The following SKAP1 variants were observed in gnomAD, a reference collection of about 807,000 sequenced individuals.
The protein encoded by SKAP1 is src kinase-associated phosphoprotein 1.
A neutral mutation model predicts 58.5 loss-of-function variants in SKAP1; 44 were observed. The observed-to-expected ratio is 0.75, with a 90% confidence interval of 0.59 to 0.97. The LOEUF is 0.97. Ranked by LOEUF, SKAP1 falls within the 50% of genes least tolerant of loss-of-function variation. The probability of loss-of-function intolerance (pLI) is 0.00; values close to 1 mark genes in which losing one functional copy is unlikely to be tolerated. For missense variants in SKAP1, 390 were observed against 435.2 expected, an observed-to-expected ratio of 0.90 and a Z score of 0.92; for synonymous variants, 127 against 149.7, an observed-to-expected ratio of 0.85 and a Z score of 1.11.
chr17:48,194,399 C>A (rs1314941623), intron 4 of SKAP1, among the ~76,000 whole-genome samples: 1 of 152,186 alleles, frequency 6.6e-6, no homozygotes, highest in Non-Finnish European at 1.5e-5. Context: ...ACAGCAACAA[C>A]AATGGGGACC....
At chr17:48,162,360 G>T in intron 11 of SKAP1, 109 bp downstream of exon 11, 2 of 588,668 alleles carry the variant, frequency 3.4e-6, no homozygotes, top group South Asian at 2.9e-5. Flanking sequence ...AATTTATATT[G>T]TGAGGGAGCC....
Position 48,345,528 on chromosome 17 carries a change from A to T in SKAP1, c.280+377T>A, listed in dbSNP as rs112807021. On this transcript the variant is annotated intron_variant, in intron 4 of 12. Coordinates refer to ENST00000336915, the MANE Select transcript of SKAP1 (RefSeq NM_003726.4). ...ACAGAAAATTAATAATCCAACAATC[A>T]TTAAATAAAAGCTTCAATTCTCATG... Among the ~76,000 whole-genome samples the T allele has an allele frequency of 4.0e-3, 608 of 152,314 alleles. 8 individuals are homozygous for T. Among genetic ancestry groups the T allele is most frequent in the African/African-American group, 0.014 (583 of 41,570 alleles).
intron 4 of SKAP1, among the ~76,000 whole-genome samples, chr17:48,326,889 C>CTT (rs35868072): frequency 5.3e-4 from 64 of 121,590 alleles, no homozygotes; most frequent in East Asian, 1.4e-3. Flanking sequence ...TTCTTTCTTT[C>CTT]TTTTTTTTTT....
At chr17:48,390,312 C>G (rs1164247575) in intron 2 of SKAP1, among the ~76,000 whole-genome samples, 1 of 152,150 alleles carries the variant, frequency 6.6e-6, no homozygotes, top group Non-Finnish European at 1.5e-5. Flanking sequence ...AATAGCATAG[C>G]TCTGGGACAA....
At chr17:48,278,219 T>C (rs1182538074) in intron 4 of SKAP1, among the ~76,000 whole-genome samples, 1 of 152,186 alleles carries the variant, frequency 6.6e-6, no homozygotes, top group Non-Finnish European at 1.5e-5. Flanking sequence ...TATCCCCCAT[T>C]AGGCATTGAG....
intron 4 of SKAP1, among the ~76,000 whole-genome samples, chr17:48,324,516 C>T (rs1479518091): frequency 1.3e-5 from 2 of 152,000 alleles, no homozygotes; most frequent in African/African-American, 4.8e-5. Flanking sequence ...ACATAAGCTT[C>T]AAAAAGTGGG....
chr17:48,394,490 TACC>T (rs2067391020), intron 2 of SKAP1, among the ~76,000 whole-genome samples: 1 of 151,764 alleles, frequency 6.6e-6, no homozygotes, highest in Non-Finnish European at 1.5e-5. Context: ...CACAGGCATA[TACC>T]ACCACACCTG....
chr17:48,184,949 A>C, intron 6 of SKAP1, 102 bp from the exon 7 acceptor site: 1 of 1,145,220 alleles, frequency 8.7e-7, no homozygotes, highest in Non-Finnish European at 1.2e-6. Context: ...CAGCTGTTAC[A>C]TCCCTGAGGA....
At chr17:48,198,263 G>A (rs1445911441) in intron 4 of SKAP1, among the ~76,000 whole-genome samples, 2 of 151,862 alleles carry the variant, frequency 1.3e-5, no homozygotes, top group Admixed American at 6.6e-5. Context: ...AGACCATCTT[G>A]GCTAACACGG....
intron 4 of SKAP1, among the ~76,000 whole-genome samples, chr17:48,304,696 T>C (rs916617488): frequency 6.6e-6 from 1 of 152,210 alleles, no homozygotes. Context: ...TTAGATGTAG[T>C]ATTTGTTTTC....
rs114659636 is a variant in SKAP1, at chr17:48,244,659, G to A, written c.281-55159C>T. Among the ~76,000 whole-genome samples the A allele has an allele frequency of 9.6e-3, 1,466 of 152,258 alleles. 16 individuals are homozygous for A. Among genetic ancestry groups the A allele is most frequent in the African/African-American group, 0.033 (1,380 of 41,528 alleles). ...CTGAAAATTCTGCTGATGATACACA[G>A]TTATAATATTCCAAAGGAAGCTTGG... On this transcript the variant is annotated intron_variant, in intron 4 of 12. Coordinates refer to ENST00000336915, the MANE Select transcript of SKAP1 (RefSeq NM_003726.4).
chr17:48,286,687 A>AAC (rs1362144471), intron 4 of SKAP1, among the ~76,000 whole-genome samples: 1 of 152,204 alleles, frequency 6.6e-6, no homozygotes, highest in African/African-American at 2.4e-5. Context: ...TCCCATAACA[A>AAC]ACACACACAC....
intron 2 of SKAP1, among the ~76,000 whole-genome samples, chr17:48,392,464 C>G (rs999089211): frequency 1.3e-5 from 2 of 152,236 alleles, no homozygotes; most frequent in Non-Finnish European, 2.9e-5. Context: ...TCCAAGTTTG[C>G]TTCCATTGGC....
intron 4 of SKAP1, among the ~76,000 whole-genome samples, chr17:48,245,937 T>C (rs1379186656): frequency 6.6e-6 from 1 of 152,230 alleles, no homozygotes; most frequent in East Asian, 1.9e-4. Flanking sequence ...ATTGTGCCAC[T>C]GTACTCCAGC....
intron 2 of SKAP1, among the ~76,000 whole-genome samples, chr17:48,389,616 T>G (rs990409709): frequency 1.3e-5 from 2 of 152,218 alleles, no homozygotes; most frequent in African/African-American, 4.8e-5. Flanking sequence ...GGGATTGATT[T>G]TTTTCCCATC....
At chr17:48,271,930 A>T (rs2065638432) in intron 4 of SKAP1, among the ~76,000 whole-genome samples, 2 of 152,090 alleles carry the variant, frequency 1.3e-5, no homozygotes, top group African/African-American at 4.8e-5. Context: ...AAGTAAATTG[A>T]CATCCCTCTT....
upstream of SKAP1, among the ~76,000 whole-genome samples, chr17:48,434,866 C>A (rs1426381274): frequency 6.6e-6 from 1 of 152,134 alleles, no homozygotes; most frequent in Non-Finnish European, 1.5e-5. Flanking sequence ...AGTAATGTTT[C>A]ATTCCCAGCA....
chr17:48,193,954 A>T (rs902616005), intron 4 of SKAP1, among the ~76,000 whole-genome samples: 1 of 152,166 alleles, frequency 6.6e-6, no homozygotes, highest in African/African-American at 2.4e-5. Context: ...TTTATTCATT[A>T]CCTGAGAAAA....
At chr17:48,151,148 T>C (rs924280281) in intron 11 of SKAP1, among the ~76,000 whole-genome samples, 1 of 151,552 alleles carries the variant, frequency 6.6e-6, no homozygotes, top group East Asian at 1.9e-4. Flanking sequence ...TGCTTTTGTA[T>C]CAGCCTAGTT....
Sources: gnomAD v4.1 joint callset for allele counts (sites outside exome capture counted in the v4.1 genomes callset) on GRCh38, gnomAD v4.1.1 for gene constraint, MANE v1.5 for transcripts, NCBI Gene and HGNC (gene_info 2026-07-23, HGNC 2026-07-21) for gene names.